The following UBR1 variants were observed in gnomAD, a reference collection of about 807,000 sequenced individuals.
UBR1 encodes ubiquitin protein ligase E3 component n-recognin 1.
In UBR1, 102 loss-of-function variants were observed where a neutral mutation model predicts 242.1. The observed-to-expected ratio is 0.42, with a 90% CI of 0.36 to 0.50. The LOEUF (loss-of-function observed/expected upper bound fraction) is 0.50. Ranked by LOEUF, UBR1 falls within the 20% of genes least tolerant of loss-of-function variation. The pLI is 0.01. For synonymous variants in UBR1, 675 were observed against 684.8 expected (o/e 0.99, Z 0.22); for missense variants, 1,772 against 2,101.8 (o/e 0.84, Z 3.07).
At chr15:43,029,125 G>GCACACACACACACACACATACA (rs144923922) in intron 21 of UBR1, among the ~76,000 whole-genome samples, 2 of 150,956 alleles carry the variant, frequency 1.3e-5, no homozygotes, top group African/African-American at 4.9e-5. Context: ...ACACACACAC[G>GCACACACACACACACACATACA]CACACACACA....
intron 18 of UBR1, 112 bp downstream of exon 18, chr15:43,036,416 T>C (rs1273061064): frequency 1.7e-6 from 2 of 1,192,386 alleles, no homozygotes; most frequent in Non-Finnish European, 2.5e-6. Context: ...TCATAATCAG[T>C]TTAACAGTGA....
chr15:43,083,186 T>C (rs886425415), intron 2 of UBR1, among the ~76,000 whole-genome samples: 5 of 152,222 alleles, frequency 3.3e-5, no homozygotes, highest in African/African-American at 1.2e-4. Flanking sequence ...TCATTGTACA[T>C]TGAAGTGTCC....
chr15:43,011,372 T>C (rs1171650564), intron 29 of UBR1, among the ~76,000 whole-genome samples: 1 of 152,158 alleles, frequency 6.6e-6, no homozygotes. Context: ...AGGGACAAAA[T>C]ATGGTAAACA....
chr15:42,980,862 A>G (rs2032367507), intron 37 of UBR1, among the ~76,000 whole-genome samples: 1 of 152,114 alleles, frequency 6.6e-6, no homozygotes, highest in Non-Finnish European at 1.5e-5. Flanking sequence ...TTGGCTTCCT[A>G]AAGTTCTGGG....
intron 43 of UBR1, 36 bp downstream of exon 43, chr15:42,960,609 T>C: frequency 1.2e-6 from 2 of 1,606,562 alleles, no homozygotes; most frequent in South Asian, 1.1e-5. Flanking sequence ...ACACAACTTG[T>C]GGATGAGGGA....
At chr15:43,087,830 G>C (rs2056346) in intron 1 of UBR1, among the ~76,000 whole-genome samples, 81,959 of 151,874 alleles carry the variant, frequency 0.54, 26,853 homozygotes, top group Non-Finnish European at 0.71. Context: ...ATAAATCATG[G>C]GACATTATAA....
intron 37 of UBR1, among the ~76,000 whole-genome samples, chr15:42,978,731 T>TC (rs1383439798): frequency 6.7e-6 from 1 of 150,234 alleles, no homozygotes; most frequent in African/African-American, 2.5e-5. Context: ...TCTTTTCTTT[T>TC]CTTTTTTTTT....
intron 30 of UBR1, among the ~76,000 whole-genome samples, chr15:43,005,723 C>CTT (rs1419533562): frequency 1.3e-5 from 2 of 152,106 alleles, no homozygotes; most frequent in African/African-American, 2.4e-5. Flanking sequence ...ACATGGGAGA[C>CTT]TCCATTTTGT....
chr15:43,086,437 G>GAAAAAAA (rs370942763), intron 1 of UBR1, among the ~76,000 whole-genome samples, 197 bp from the exon 2 acceptor site: 2 of 86,112 alleles, frequency 2.3e-5, no homozygotes, highest in African/African-American at 4.0e-5. Context: ...ACCAGTATCT[G>GAAAAAAA]AAAAAAAAAA....
intron 6 of UBR1, among the ~76,000 whole-genome samples, chr15:43,062,067 G>C (rs916432825): frequency 1.1e-4 from 16 of 152,060 alleles, no homozygotes; most frequent in African/African-American, 3.9e-4. Context: ...AGCTGCTATA[G>C]AAAACAAAAT....
At chr15:43,083,652 G>A (rs1380691552) in intron 2 of UBR1, among the ~76,000 whole-genome samples, 3 of 151,942 alleles carry the variant, frequency 2.0e-5, no homozygotes, top group Non-Finnish European at 4.4e-5. Context: ...AAAGTGCTGG[G>A]ATTACAGGCG....
At chr15:43,024,736 A>T in intron 25 of UBR1, 93 bp downstream of exon 25, 1 of 1,557,174 alleles carries the variant, frequency 6.4e-7, no homozygotes. Flanking sequence ...GGTGCTCTAG[A>T]TGTGGTTCCA....
At chr15:43,071,166 T>C (rs1243252449) in intron 4 of UBR1, among the ~76,000 whole-genome samples, 1 of 152,184 alleles carries the variant, frequency 6.6e-6, no homozygotes, top group Non-Finnish European at 1.5e-5. Flanking sequence ...TCCCCATTAG[T>C]GATATACTCT....
chr15:43,056,204 C>A (rs1277961882), intron 11 of UBR1, 140 bp downstream of exon 11: 4 of 695,984 alleles, frequency 5.7e-6, no homozygotes, highest in Non-Finnish European at 1.0e-5. Flanking sequence ...TTAACTAGTC[C>A]TTGGGTAGCA....
intron 29 of UBR1, among the ~76,000 whole-genome samples, chr15:43,014,437 G>T (rs930802907): frequency 6.6e-6 from 1 of 151,908 alleles, no homozygotes; most frequent in Non-Finnish European, 1.5e-5. Flanking sequence ...AGGAAGTGAG[G>T]AGCGCCTCTT....
At chr15:42,961,111 C>T (rs1372320685) in intron 42 of UBR1, among the ~76,000 whole-genome samples, 1 of 150,456 alleles carries the variant, frequency 6.6e-6, no homozygotes, top group African/African-American at 2.4e-5. Flanking sequence ...CTATGTTCCC[C>T]CTTTTTTTTT....
chr15:42,985,042 G>T, intron 35 of UBR1, 100 bp from the exon 36 acceptor site: 1 of 1,013,244 alleles, frequency 9.9e-7, no homozygotes, highest in Non-Finnish European at 1.4e-6. Context: ...TTTTTGATGA[G>T]ATGATTTGCA....
intron 12 of UBR1, among the ~76,000 whole-genome samples, chr15:43,052,000 T>G (rs1040136674): frequency 5.9e-5 from 9 of 152,154 alleles, no homozygotes; most frequent in Non-Finnish European, 8.8e-5. Flanking sequence ...CCACAATAAA[T>G]TAGCAACTGA....
chr15:43,056,312 A>G, intron 11 of UBR1, 32 bp downstream of exon 11: 2 of 1,504,160 alleles, frequency 1.3e-6, no homozygotes, highest in South Asian at 1.1e-5. Context: ...AGTTTTACTT[A>G]GAAAGACTGA....
Sources: gnomAD v4.1 joint callset for allele counts (sites outside exome capture counted in the v4.1 genomes callset) on GRCh38, gnomAD v4.1.1 for gene constraint, MANE v1.5 for transcripts, NCBI Gene and HGNC (gene_info 2026-07-23, HGNC 2026-07-21) for gene names.